Variants in EXOC4 observed in about 807,000 individuals in gnomAD.
EXOC4 encodes exocyst complex component 4, also known as SEC8-like 1.
In EXOC4, 71 loss-of-function variants were observed where a neutral mutation model predicts 107.2. The observed-to-expected ratio is 0.66, with a 90% CI of 0.55 to 0.81. The LOEUF is 0.81. Ranked by LOEUF, EXOC4 falls within the 30% of genes least tolerant of loss-of-function variation. The pLI is 0.00. For missense variants in EXOC4, 1,108 were observed against 1,189.6 expected, an observed-to-expected ratio of 0.93 and a Z score of 1.01; for synonymous variants, 456 against 441.2, an observed-to-expected ratio of 1.03 and a Z score of -0.42.
chr7:134,040,621 A>G (rs191537472), intron 17 of EXOC4, among the ~76,000 whole-genome samples: 314 of 152,354 alleles, frequency 2.1e-3, no homozygotes, highest in Non-Finnish European at 3.3e-3. Context: ...TTTCCAACCA[A>G]TGGAATTGAA....
chr7:133,457,902 T>G (rs1192780600), intron 7 of EXOC4, among the ~76,000 whole-genome samples: 2 of 152,192 alleles, frequency 1.3e-5, no homozygotes, highest in Non-Finnish European at 2.9e-5. Context: ...ATGCTAACAA[T>G]GTATGCTTTT....
At chr7:133,772,232 A>G (rs551962233) in intron 10 of EXOC4, among the ~76,000 whole-genome samples, 4 of 152,006 alleles carry the variant, frequency 2.6e-5, no homozygotes, top group Non-Finnish European at 4.4e-5. Context: ...CTGGGCATGC[A>G]TTTTGCAGAC....
intron 9 of EXOC4, among the ~76,000 whole-genome samples, chr7:133,593,487 A>G (rs1430157445): frequency 2.0e-5 from 3 of 152,212 alleles, no homozygotes; most frequent in Non-Finnish European, 2.9e-5. Context: ...AACGTGTGCG[A>G]TTATAAAATG....
chr7:133,761,677 A>G (rs1796035825), intron 10 of EXOC4, among the ~76,000 whole-genome samples: 1 of 152,180 alleles, frequency 6.6e-6, no homozygotes, highest in African/African-American at 2.4e-5. Context: ...TTGCCTGGCT[A>G]GTGTTTGATC....
chr7:133,929,939 C>T (rs1270293758), intron 13 of EXOC4, among the ~76,000 whole-genome samples: 1 of 152,160 alleles, frequency 6.6e-6, no homozygotes, highest in Non-Finnish European at 1.5e-5. Flanking sequence ...TTTAATGTCT[C>T]TGCTCTGAAC....
At chr7:133,417,718 A>G (rs1039511123) in intron 7 of EXOC4, among the ~76,000 whole-genome samples, 2 of 152,116 alleles carry the variant, frequency 1.3e-5, no homozygotes, top group Non-Finnish European at 2.9e-5. Context: ...GTGATCCTTG[A>G]CCAGTCTACC....
At chr7:133,950,235 G>C (rs1403652953) in intron 14 of EXOC4, among the ~76,000 whole-genome samples, 1 of 152,136 alleles carries the variant, frequency 6.6e-6, no homozygotes, top group East Asian at 1.9e-4. Flanking sequence ...GTCTTTATAT[G>C]AGAAACTTCC....
In EXOC4 at chr7:133,653,019, A is replaced by T. The variant is rs112099688; in HGVS notation, c.1514+22878A>T. 2.2e-3 allele frequency among the ~76,000 whole-genome samples: 328 copies of T among 152,280 alleles called. 1 individual carries two copies. The highest frequency in any genetic ancestry group is 7.5e-3 in the African/African-American group (312 of 41,554). ...TTTTGGCAATGCTTACAATTTTTTA[A>T]ATTAGGTTAACTCCTAGGCAGAGAA... On this transcript the variant is annotated intron_variant, in intron 10 of 17. Transcript: ENST00000253861.
chr7:133,869,611 G>T (rs917654979), intron 11 of EXOC4, among the ~76,000 whole-genome samples: 10 of 152,174 alleles, frequency 6.6e-5, no homozygotes, highest in Non-Finnish European at 1.3e-4. Context: ...AAAGAATTTG[G>T]TAGAAGTTCT....
chr7:133,590,430 C>T (rs541697115), intron 9 of EXOC4, among the ~76,000 whole-genome samples: 3 of 152,212 alleles, frequency 2.0e-5, no homozygotes, highest in African/African-American at 4.8e-5. Context: ...GCAAAGGCTC[C>T]ACCCTCAAGC....
At chr7:133,586,229 C>T (rs1801400494) in intron 9 of EXOC4, among the ~76,000 whole-genome samples, 1 of 152,022 alleles carries the variant, frequency 6.6e-6, no homozygotes, top group Non-Finnish European at 1.5e-5. Flanking sequence ...TGATCTTCAC[C>T]TTCCTCCTTT....
intron 7 of EXOC4, among the ~76,000 whole-genome samples, chr7:133,414,811 A>G (rs1477564043): frequency 6.6e-6 from 1 of 152,158 alleles, no homozygotes; most frequent in East Asian, 1.9e-4. Context: ...AAAGTATACA[A>G]TTCAATGGCT....
chr7:133,677,739 GCTAA>G (rs1794096016), intron 10 of EXOC4, among the ~76,000 whole-genome samples: 1 of 152,048 alleles, frequency 6.6e-6, no homozygotes, highest in Non-Finnish European at 1.5e-5. Flanking sequence ...ACCCAAACCT[GCTAA>G]TCAATCTTAA....
chr7:134,064,671 G>A lies in EXOC4; in HGVS notation c.*143G>A. 1 of 563,296 alleles carries A rather than the reference G, an allele frequency of 1.8e-6. No individual in the cohort carries two copies. The highest frequency in any genetic ancestry group is 2.9e-6 in the Non-Finnish European group (1 of 341,542). The allele number at this position is 563,296 out of a possible 1,614,324, so 34.9% of individuals were successfully genotyped here. A position where few individuals can be genotyped will look rare whatever the true frequency, so the allele number is the denominator to read the frequency against. On this transcript the variant is annotated 3_prime_UTR_variant, in exon 18 of 18. Transcript: ENST00000253861. ...GAGGTGTAAGGATTCTTTCTCTCTG[G>A]TTTTGGCTTTTCATATAAATGCTAA...
intron 10 of EXOC4, among the ~76,000 whole-genome samples, chr7:133,658,373 C>G (rs1359580151): frequency 6.6e-6 from 1 of 152,134 alleles, no homozygotes; most frequent in Non-Finnish European, 1.5e-5. Context: ...AGGATCCCAG[C>G]AGGTTAAAAT....
chr7:134,055,524 A>C (rs1795900843), intron 17 of EXOC4, among the ~76,000 whole-genome samples: 1 of 152,210 alleles, frequency 6.6e-6, no homozygotes. Context: ...CAAAGCCATG[A>C]AGTCCATTCC....
At chr7:133,280,533 A>G (rs1794108189) in intron 2 of EXOC4, among the ~76,000 whole-genome samples, 1 of 152,136 alleles carries the variant, frequency 6.6e-6, no homozygotes, top group Admixed American at 6.6e-5. Context: ...TTGAAGGGAG[A>G]TACTTGGCTT....
chr7:133,827,108 A>T (rs1009788771), intron 11 of EXOC4, among the ~76,000 whole-genome samples: 2 of 152,234 alleles, frequency 1.3e-5, no homozygotes, highest in Non-Finnish European at 2.9e-5. Flanking sequence ...AAAAGTACTC[A>T]TCCACACATT....
intron 9 of EXOC4, 79 bp downstream of exon 9, chr7:133,480,217 A>T: frequency 6.4e-7 from 1 of 1,572,174 alleles, no homozygotes; most frequent in South Asian, 1.1e-5. Context: ...TGTGTCCTGC[A>T]TTCACACGAT....
Sources: allele counts gnomAD v4.1 joint callset (sites outside exome capture counted in the v4.1 genomes callset), GRCh38; gene constraint gnomAD v4.1.1; transcripts MANE v1.5; gene names NCBI Gene and HGNC (gene_info 2026-07-23, HGNC 2026-07-21).